Variants in RARS2 observed in about 807,000 individuals in gnomAD.
The protein encoded by RARS2 is probable arginine--tRNA ligase, mitochondrial.
Under a neutral mutation model 88.5 loss-of-function variants are expected in RARS2, and 67 were observed. The observed-to-expected ratio is 0.76, with a 90% confidence interval of 0.62 to 0.93. RARS2 has a LOEUF of 0.93. RARS2 is among the 40% of genes least tolerant of loss of function. The pLI, the probability that RARS2 is intolerant of heterozygous loss-of-function variation, is 0.00. For synonymous variants in RARS2, 239 were observed against 230.3 expected (o/e 1.04, Z -0.34); for missense variants, 664 against 684.2 (o/e 0.97, Z 0.33).
At chr6:87,523,542 G>T (rs1187485205) in intron 11 of RARS2, among the ~76,000 whole-genome samples, 1 of 152,080 alleles carries the variant, frequency 6.6e-6, no homozygotes, top group Non-Finnish European at 1.5e-5. Flanking sequence ...CAGGTGTTAA[G>T]GTAAATACAC....
intron 11 of RARS2, among the ~76,000 whole-genome samples, chr6:87,522,255 A>G (rs547681508): frequency 6.7e-6 from 1 of 148,896 alleles, no homozygotes; most frequent in Admixed American, 6.8e-5. Context: ...GCTTGAACCT[A>G]GGAGGTGGAG....
chr6:87,543,351 C>G (rs768198509), intron 7 of RARS2, among the ~76,000 whole-genome samples: 23 of 151,654 alleles, frequency 1.5e-4, no homozygotes, highest in Admixed American at 5.3e-4. Context: ...AAAACAAAAC[C>G]AACTTATTGG....
intron 18 of RARS2, 90 bp from the exon 19 acceptor site, chr6:87,515,110 TTAA>T (rs1771128821): frequency 7.0e-6 from 7 of 1,001,130 alleles, no homozygotes; most frequent in Non-Finnish European, 9.6e-6. Flanking sequence ...CTCCTTCAAC[TTAA>T]TAAAGCCCAG....
chr6:87,527,031 C>A (rs1044285113), intron 10 of RARS2, among the ~76,000 whole-genome samples: 1 of 151,980 alleles, frequency 6.6e-6, no homozygotes, highest in East Asian at 2.0e-4. Context: ...ACAGTCTCGG[C>A]CAGGCACAGT....
intron 11 of RARS2, among the ~76,000 whole-genome samples, chr6:87,523,881 T>C (rs1004089024): frequency 3.9e-5 from 6 of 152,342 alleles, no homozygotes; most frequent in East Asian, 3.9e-4. Flanking sequence ...CTTAGATATA[T>C]AAGCTCTTCT....
At chr6:87,542,770 A>G (rs1781403051) in intron 7 of RARS2, among the ~76,000 whole-genome samples, 1 of 149,882 alleles carries the variant, frequency 6.7e-6, no homozygotes, top group Non-Finnish European at 1.5e-5. Context: ...AAAGATGATC[A>G]TAACTTCCGT....
chr6:87,543,880 G>A (rs1232689629), intron 7 of RARS2, among the ~76,000 whole-genome samples: 1 of 152,126 alleles, frequency 6.6e-6, no homozygotes, highest in Non-Finnish European at 1.5e-5. Context: ...GCAGTGTGTG[G>A]AAAGATGCTC....
chr6:87,570,836 A>G (rs1481871608), intron 1 of RARS2, among the ~76,000 whole-genome samples: 1 of 152,170 alleles, frequency 6.6e-6, no homozygotes, highest in Non-Finnish European at 1.5e-5. Context: ...TACAAGAGTG[A>G]GCACTGCACC....
intron 5 of RARS2, among the ~76,000 whole-genome samples, chr6:87,553,841 G>C (rs1195385305): frequency 6.6e-6 from 1 of 152,154 alleles, no homozygotes; most frequent in Non-Finnish European, 1.5e-5. Context: ...CAGTTTTAGA[G>C]TCATTCATAA....
chr6:87,559,716 A>AT (rs1334606639), intron 4 of RARS2, among the ~76,000 whole-genome samples: 2 of 152,048 alleles, frequency 1.3e-5, no homozygotes, highest in East Asian at 1.9e-4. Flanking sequence ...AAGGAAAAAT[A>AT]TTTTTTTATA....
intron 4 of RARS2, among the ~76,000 whole-genome samples, chr6:87,560,278 T>G (rs916615895): frequency 2.6e-5 from 4 of 152,250 alleles, no homozygotes; most frequent in Middle Eastern, 3.2e-3. Flanking sequence ...CAAAGTTTAA[T>G]TTGGCAAATT....
At chr6:87,541,239 T>G (rs1780851641) in intron 8 of RARS2, among the ~76,000 whole-genome samples, 1 of 152,178 alleles carries the variant, frequency 6.6e-6, no homozygotes, top group Non-Finnish European at 1.5e-5. Flanking sequence ...TGCAGTGTCA[T>G]GACTACAGCT....
Position 87,555,487 on chromosome 6 carries a change from T to C in RARS2, c.316A>G (p.Ile106Val), listed in dbSNP as rs778609946. 10 of 1,613,092 alleles carry C rather than the reference T, an allele frequency of 6.2e-6. No individual in the cohort carries two copies. Among genetic ancestry groups the C allele is most frequent in the Non-Finnish European group, 8.5e-6 (10 of 1,179,122 alleles). The change falls in exon 5 of 20, where the codon ATT (isoleucine) becomes GTT (valine). Residue 106 changes from isoleucine (I) to valine (V), a missense_variant. Ile to Val is a conservative substitution (Grantham distance 29). Transcript: ENST00000369536. ...AATCCATATTTTGAGCCATCTTCAA[T>C]TACTTGTTGTAGCACTGTCTGAAAA... ...LLTKTVLQQV[I>V]EDGSKYGLKS...
intron 5 of RARS2, among the ~76,000 whole-genome samples, chr6:87,553,919 G>T (rs1272489709): frequency 1.3e-5 from 2 of 152,186 alleles, no homozygotes; most frequent in Non-Finnish European, 2.9e-5. Context: ...TCATGAGTTT[G>T]CTCTTAGAGG....
intron 1 of RARS2, among the ~76,000 whole-genome samples, chr6:87,579,563 GGA>G (rs991872696): frequency 6.6e-6 from 1 of 151,864 alleles, no homozygotes; most frequent in African/African-American, 2.4e-5. Context: ...CACGGCTTAG[GGA>G]GAGAGCAGTT....
chr6:87,580,896 T>C (rs577904553), intron 1 of RARS2, among the ~76,000 whole-genome samples: 1 of 152,174 alleles, frequency 6.6e-6, no homozygotes. Context: ...GAATGGCTAA[T>C]ATGTAGTGAG....
At chr6:87,520,450 G>C (rs895633317) in intron 12 of RARS2, among the ~76,000 whole-genome samples, 194 bp from the exon 13 acceptor site, 2 of 152,108 alleles carry the variant, frequency 1.3e-5, no homozygotes, top group African/African-American at 4.8e-5. Flanking sequence ...AGGGAAATAA[G>C]AGCCATACAA....
chr6:87,543,370 G>T (rs1038192277), intron 7 of RARS2, among the ~76,000 whole-genome samples: 3 of 149,966 alleles, frequency 2.0e-5, no homozygotes, highest in Non-Finnish European at 1.5e-5. Context: ...GGCCGGGGGT[G>T]ATGACTCACT....
intron 19 of RARS2, 138 bp downstream of exon 19, chr6:87,514,819 C>T (rs1770996685): frequency 1.3e-6 from 1 of 760,950 alleles, no homozygotes; most frequent in South Asian, 1.5e-5. Context: ...TTGATTGTTA[C>T]AGCCTAATTA....
Sources: gnomAD v4.1 joint callset for allele counts (sites outside exome capture counted in the v4.1 genomes callset) on GRCh38, gnomAD v4.1.1 for gene constraint, MANE v1.5 for transcripts, NCBI Gene and HGNC (gene_info 2026-07-23, HGNC 2026-07-21) for gene names.